The following PCDHA5 variants were observed in gnomAD, a reference collection of about 807,000 sequenced individuals.
PCDHA5 encodes the protein protocadherin alpha-5.
In PCDHA5, 43 loss-of-function variants were observed where a neutral mutation model predicts 61.6. The observed-to-expected ratio is 0.70, with a 90% CI of 0.55 to 0.90. The LOEUF is 0.90. PCDHA5 is among the 40% of genes least tolerant of loss of function. The probability of loss-of-function intolerance (pLI) is 0.00; values close to 1 mark genes in which losing one functional copy is unlikely to be tolerated. For missense variants in PCDHA5, 1,298 were observed against 1,222.7 expected (o/e 1.06, Z -0.92); for synonymous variants, 627 against 543.9 (o/e 1.15, Z -2.13).
chr5:140,867,751 T>C (rs1280399942), intron 1 of PCDHA5: 2 of 152,116 alleles, frequency 1.3e-5, no homozygotes, highest in Non-Finnish European at 2.9e-5. Context: ...AGTTACAACT[T>C]CAGGCAAAGA....
At position 140,857,927 on chromosome 5, in the gene PCDHA5, A is replaced by C. The variant is rs1554150876; in HGVS notation, c.2352+33800A>C. ...CATCCCGTTTCGCGTGGGGCTGTAC[A>C]CGGGCGAGATCAGTACGACGCGCGC... On this transcript the variant is annotated intron_variant, in intron 1 of 3. Transcript: ENST00000529859. The C allele has an allele frequency of 1.9e-6, 3 of 1,597,510 alleles. 1 individual carries two copies. Among genetic ancestry groups the C allele is most frequent in the Non-Finnish European group, 2.6e-6 (3 of 1,167,484 alleles).
intron 1 of PCDHA5, chr5:140,927,597 C>T (rs781933372): frequency 1.2e-6 from 2 of 1,614,200 alleles, no homozygotes; most frequent in South Asian, 1.1e-5. Context: ...TATTTGAGCG[C>T]TCCGTATACC....
intron 1 of PCDHA5, among the ~76,000 whole-genome samples, chr5:140,906,546 G>A (rs1261080393): frequency 2.0e-5 from 3 of 152,222 alleles, no homozygotes; most frequent in Non-Finnish European, 4.4e-5. Context: ...CCTCATTTCT[G>A]CAACTGGTTG....
At chr5:140,839,380 TATG>T (rs2150297142) in intron 1 of PCDHA5, among the ~76,000 whole-genome samples, 147,881 of 151,388 alleles carry the variant, frequency 0.98, 72,191 homozygotes, top group East Asian at 1. Flanking sequence ...CATCAATTAT[TATG>T]ATGATGATGA....
At position 141,007,395 on chromosome 5, in the gene PCDHA5, CAAAA is replaced by C. The variant is rs35800918; in HGVS notation, c.2501-2212_2501-2209del. Among the ~76,000 whole-genome samples the C allele has an allele frequency of 1.2e-3, 116 of 94,838 alleles. No homozygotes were observed. In the Middle Eastern group the frequency reaches 0.016, roughly 13 times the overall value. 62.2% of individuals were successfully genotyped at this position (94,838 alleles called of 152,430 possible). ...ATGGAACACCATCTCTACTAAAATA[CAAAA>C]AAAAAAAAAAAAAAAAAAATTAGCC... is the stretch of plus-strand genomic sequence containing the variant. On this transcript the variant is annotated intron_variant, in intron 3 of 3. Coordinates refer to ENST00000529859, the MANE Select transcript of PCDHA5 (RefSeq NM_018908.3).
intron 3 of PCDHA5, among the ~76,000 whole-genome samples, chr5:140,990,983 A>G (rs3776109): frequency 0.049 from 7,423 of 152,298 alleles, 240 homozygotes; most frequent in South Asian, 0.11. Flanking sequence ...AAAGGAAGAC[A>G]ATAGCTACCA....
intron 1 of PCDHA5, among the ~76,000 whole-genome samples, chr5:140,952,641 G>T (rs1033672347): frequency 1.3e-5 from 2 of 152,102 alleles, no homozygotes; most frequent in Non-Finnish European, 2.9e-5. Flanking sequence ...TCCAACCTGT[G>T]CCTGGTTACC....
chr5:140,917,936 A>G (rs155801), intron 1 of PCDHA5, among the ~76,000 whole-genome samples: 49,654 of 151,910 alleles, frequency 0.33, 8,386 homozygotes, highest in East Asian at 0.53. Context: ...GAAAAATAAT[A>G]TTGGTAGTTT....
At chr5:141,001,265 T>C (rs71583613) in intron 3 of PCDHA5, among the ~76,000 whole-genome samples, 24 of 152,168 alleles carry the variant, frequency 1.6e-4, no homozygotes, top group Admixed American at 7.2e-4. Flanking sequence ...GGCACTCTTA[T>C]GAACTTTTTT....
intron 1 of PCDHA5, among the ~76,000 whole-genome samples, chr5:140,885,351 G>T (rs2060569192): frequency 1.3e-5 from 2 of 152,052 alleles, no homozygotes; most frequent in Admixed American, 6.5e-5. Context: ...TTTCCAAAAG[G>T]TACTGGTGAC....
chr5:140,882,482 G>A, intron 1 of PCDHA5: 1 of 1,614,048 alleles, frequency 6.2e-7, no homozygotes, highest in South Asian at 1.1e-5. Context: ...CAAAAGACAC[G>A]GGGACCTTCT....
chr5:140,860,639 G>A (rs2046488038), intron 1 of PCDHA5: 1 of 152,224 alleles, frequency 6.6e-6, no homozygotes, highest in Non-Finnish European at 1.5e-5. Flanking sequence ...AATCAGGAAC[G>A]AAGAAGATAA....
chr5:140,934,555 CT>C (rs1355336850), intron 1 of PCDHA5, among the ~76,000 whole-genome samples: 2 of 151,972 alleles, frequency 1.3e-5, no homozygotes, highest in African/African-American at 2.4e-5. Context: ...ATCATTTCTT[CT>C]TTTTTTTAAT....
rs202126810 is a variant in PCDHA5 at position 140,842,731 on chromosome 5, G to T, written c.2352+18604G>T. ...TGTTCGTGAAGGAGAACAACCCGCC[G>T]GGCTGCCACATCTTCACGGTGTCTG... On this transcript the variant is annotated intron_variant, in intron 1 of 3. Transcript: ENST00000529859. 3.1e-5 allele frequency: 49 copies of T among 1,594,938 alleles called. 4 individuals are homozygous for T. Among genetic ancestry groups the T allele is most frequent in the Non-Finnish European group, 4.1e-5 (48 of 1,165,464 alleles).
chr5:140,884,198 C>G, intron 1 of PCDHA5: 1 of 1,613,442 alleles, frequency 6.2e-7, no homozygotes, highest in Non-Finnish European at 8.5e-7. Flanking sequence ...GGACGCGCCG[C>G]ACCACCGCCT....
intron 1 of PCDHA5, among the ~76,000 whole-genome samples, chr5:140,939,509 C>T (rs1013863525): frequency 9.3e-5 from 14 of 150,592 alleles, no homozygotes; most frequent in Non-Finnish European, 1.8e-4. Flanking sequence ...ATGTCTATAA[C>T]ATTAATAGTT....
At chr5:140,854,067 C>T (rs2042967096) in intron 1 of PCDHA5, 1 of 266,958 alleles carries the variant, frequency 3.7e-6, no homozygotes, top group Non-Finnish European at 5.7e-6. Context: ...GAGGCTGAGG[C>T]GAGAGAATCG....
intron 1 of PCDHA5, among the ~76,000 whole-genome samples, chr5:140,925,337 A>G (rs2082438861): frequency 6.6e-6 from 1 of 152,072 alleles, no homozygotes; most frequent in South Asian, 2.1e-4. Flanking sequence ...TAAAAGAAGG[A>G]TTTGAGTGAG....
At chr5:140,902,920 C>T (rs1186097921) in intron 1 of PCDHA5, among the ~76,000 whole-genome samples, 1 of 152,304 alleles carries the variant, frequency 6.6e-6, no homozygotes, top group Non-Finnish European at 1.5e-5. Context: ...AGTAGTATTG[C>T]ATGGTGTATA....
Sources: gnomAD v4.1 joint callset for allele counts (sites outside exome capture counted in the v4.1 genomes callset) on GRCh38, gnomAD v4.1.1 for gene constraint, MANE v1.5 for transcripts, NCBI Gene and HGNC (gene_info 2026-07-23, HGNC 2026-07-21) for gene names.